The following FILIP1L variants were observed in gnomAD, a reference collection of about 807,000 sequenced individuals.
FILIP1L encodes filamin A-interacting protein 1-like.
Under a neutral mutation model 96.6 loss-of-function variants are expected in FILIP1L, and 55 were observed. The observed-to-expected ratio is 0.57, with a 90% CI of 0.46 to 0.71. FILIP1L has a LOEUF of 0.71. Ranked by LOEUF, FILIP1L falls within the 30% of genes least tolerant of loss-of-function variation. The pLI is 0.00. For missense variants in FILIP1L, 1,304 were observed against 1,321.2 expected (o/e 0.99, Z 0.20); for synonymous variants, 467 against 473.9 (o/e 0.99, Z 0.19).
At chr3:99,933,798 G>A (rs1031178374) in intron 1 of FILIP1L, among the ~76,000 whole-genome samples, 1 of 152,136 alleles carries the variant, frequency 6.6e-6, no homozygotes, top group African/African-American at 2.4e-5. Flanking sequence ...TATCTGACCT[G>A]GTGCTCCATA....
At chr3:100,068,396 GTATC>G (rs2065703699) in intron 1 of FILIP1L, among the ~76,000 whole-genome samples, 1 of 151,702 alleles carries the variant, frequency 6.6e-6, no homozygotes, top group Non-Finnish European at 1.5e-5. Context: ...GAGAGATATA[GTATC>G]TTTTGACTCA....
intron 1 of FILIP1L, among the ~76,000 whole-genome samples, chr3:100,054,295 T>G (rs1393219949): frequency 1.3e-5 from 2 of 152,154 alleles, no homozygotes; most frequent in Non-Finnish European, 2.9e-5. Context: ...CATGAGTTAG[T>G]TGCTAGTAAT....
At chr3:100,062,257 G>T (rs551489426) in intron 1 of FILIP1L, among the ~76,000 whole-genome samples, 1 of 151,220 alleles carries the variant, frequency 6.6e-6, no homozygotes, top group African/African-American at 2.4e-5. Context: ...GACTACAGGC[G>T]CTCGCCACCA....
intron 1 of FILIP1L, among the ~76,000 whole-genome samples, chr3:99,971,604 C>T (rs1454443568): frequency 1.3e-5 from 2 of 152,202 alleles, no homozygotes; most frequent in Non-Finnish European, 2.9e-5. Context: ...TGTCTTGTAG[C>T]CACTCCCTGA....
chr3:100,087,261 A>G (rs1213804205), intron 1 of FILIP1L, among the ~76,000 whole-genome samples: 1 of 152,236 alleles, frequency 6.6e-6, no homozygotes, highest in African/African-American at 2.4e-5. Context: ...AGCATCTTAT[A>G]AAGAACTGCC....
chr3:99,994,265 T>A (rs1312777604), intron 1 of FILIP1L, among the ~76,000 whole-genome samples: 1 of 152,186 alleles, frequency 6.6e-6, no homozygotes, highest in African/African-American at 2.4e-5. Context: ...AAGAAAGAGA[T>A]AGATGGCAAT....
At chr3:100,005,475 A>G (rs1257405013) in intron 1 of FILIP1L, among the ~76,000 whole-genome samples, 1 of 152,228 alleles carries the variant, frequency 6.6e-6, no homozygotes, top group Non-Finnish European at 1.5e-5. Context: ...ATATGAATCT[A>G]TATTTATAGC....
chr3:100,100,938 G>GT lies in FILIP1L; in HGVS notation c.-11+13114dup, dbSNP rs1207094339. Among the ~76,000 whole-genome samples the GT allele has an allele frequency of 2.6e-5, 4 of 152,284 alleles. No individual in the cohort carries two copies. The East Asian group carries it at 7.7e-4, about 29-fold the overall frequency. ...GTTGACCAAGATTTAGCTTCCTTGT[G>GT]TGTTAGTGGTCAGTTTTTTAGCCCA... On this transcript the variant is annotated intron_variant, in intron 1 of 5. Coordinates refer to ENST00000477258, the MANE Select transcript of FILIP1L (RefSeq NM_001387850.1).
At chr3:99,999,297 C>G (rs1462998432) in intron 1 of FILIP1L, among the ~76,000 whole-genome samples, 2 of 152,116 alleles carry the variant, frequency 1.3e-5, no homozygotes, top group South Asian at 4.1e-4. Context: ...ATATCACATT[C>G]TTTTGTGATC....
intron 1 of FILIP1L, among the ~76,000 whole-genome samples, chr3:100,095,530 C>G (rs1291775616): frequency 6.6e-6 from 1 of 151,936 alleles, no homozygotes; most frequent in Admixed American, 6.6e-5. Context: ...AAGACAGTCT[C>G]TCCAATAAAT....
At chr3:100,024,900 C>T (rs2064890928) in intron 1 of FILIP1L, among the ~76,000 whole-genome samples, 2 of 152,250 alleles carry the variant, frequency 1.3e-5, no homozygotes, top group Non-Finnish European at 2.9e-5. Context: ...TATCAGGGCA[C>T]CAGAGCAGGA....
At chr3:99,987,697 G>A (rs1709386470) in intron 1 of FILIP1L, among the ~76,000 whole-genome samples, 1 of 152,134 alleles carries the variant, frequency 6.6e-6, no homozygotes, top group African/African-American at 2.4e-5. Flanking sequence ...AATTAGTTTA[G>A]CACAGTCCCA....
At chr3:99,867,484 CT>C (rs993585063) in intron 4 of FILIP1L, among the ~76,000 whole-genome samples, 1 of 152,154 alleles carries the variant, frequency 6.6e-6, no homozygotes, top group African/African-American at 2.4e-5. Context: ...TAATTCACAG[CT>C]AAAAACAAAG....
At chr3:99,965,630 G>C (rs551378741) in intron 1 of FILIP1L, among the ~76,000 whole-genome samples, 2 of 152,144 alleles carry the variant, frequency 1.3e-5, no homozygotes, top group African/African-American at 4.8e-5. Flanking sequence ...TTCCAAGGTA[G>C]GGAATCCAGG....
chr3:100,098,180 T>A (rs758201166), intron 1 of FILIP1L, among the ~76,000 whole-genome samples: 20 of 152,142 alleles, frequency 1.3e-4, no homozygotes, highest in Non-Finnish European at 2.6e-4. Context: ...TGTGATTCCC[T>A]CACCAGTTAG....
rs139827384 is a variant in FILIP1L, at chr3:99,970,018, G to A, written c.-10-38988C>T. Among the ~76,000 whole-genome samples the A allele has an allele frequency of 7.7e-3, 1,171 of 152,258 alleles. 20 individuals carry two copies. The highest frequency in any genetic ancestry group is 0.026 in the African/African-American group (1,080 of 41,532). ...AATGGTTTAGAAGCATTATAAAAAG[G>A]AATAATCAGTTAGGCATTGGCTTAA... On this transcript the variant is annotated intron_variant, in intron 1 of 5. Coordinates refer to ENST00000477258, the MANE Select transcript of FILIP1L (RefSeq NM_001387850.1).
At chr3:100,008,059 T>C (rs765419677) in intron 1 of FILIP1L, among the ~76,000 whole-genome samples, 9 of 152,200 alleles carry the variant, frequency 5.9e-5, no homozygotes, top group Non-Finnish European at 1.3e-4. Context: ...CTCCTCCAAG[T>C]TGACATAACA....
chr3:99,905,630 C>G (rs1010885962), intron 4 of FILIP1L, among the ~76,000 whole-genome samples: 3 of 152,184 alleles, frequency 2.0e-5, no homozygotes, highest in Admixed American at 2.0e-4. Flanking sequence ...ACTATATAGT[C>G]TCTATCCAGA....
chr3:99,944,028 A>G (rs1476596937), intron 1 of FILIP1L, among the ~76,000 whole-genome samples: 1 of 152,194 alleles, frequency 6.6e-6, no homozygotes, highest in Admixed American at 6.5e-5. Flanking sequence ...TAATGATACA[A>G]CTTTATCTCT....
Sources: allele counts gnomAD v4.1 joint callset (sites outside exome capture counted in the v4.1 genomes callset), GRCh38; gene constraint gnomAD v4.1.1; transcripts MANE v1.5; gene names NCBI Gene and HGNC (gene_info 2026-07-23, HGNC 2026-07-21).